The following MSH6 variants were observed in gnomAD, a reference collection of about 807,000 sequenced individuals.
The protein encoded by MSH6 is mutS homolog 6, also known as DNA mismatch repair protein Msh6.
In MSH6, 85 loss-of-function variants were observed where a neutral mutation model predicts 119.1. That is an observed-to-expected ratio of 0.71 (90% CI 0.60 to 0.85). MSH6 has a LOEUF of 0.85. Ranked by LOEUF, MSH6 falls within the 40% of genes least tolerant of loss-of-function variation. The pLI is 0.00. For synonymous variants in MSH6, 830 were observed against 586.9 expected (o/e 1.41, Z -5.99); for missense variants, 2,163 against 1,655.3 (o/e 1.31, Z -5.32).
intron 1 of MSH6, among the ~76,000 whole-genome samples, chr2:47,785,718 A>AC (rs1668310940): frequency 6.6e-6 from 1 of 152,038 alleles, no homozygotes; most frequent in Non-Finnish European, 1.5e-5. Context: ...GCAATAACAA[A>AC]CTCCTGGTTA....
chr2:47,809,264 T>TATC, downstream of MSH6: 2 of 1,541,990 alleles, frequency 1.3e-6, no homozygotes, highest in Non-Finnish European at 1.8e-6. Flanking sequence ...ATTATTTTGT[T>TATC]ATCTGTAATA....
Position 47,799,852 on chromosome 2 carries a change from C to T in MSH6, c.1869C>T (p.Pro623=), listed in dbSNP as rs141242295. Residue 623 remains proline, a synonymous_variant, in exon 4 of 10, where the codon CCC becomes CCT. Coordinates refer to ENST00000234420, the MANE Select transcript of MSH6 (RefSeq NM_000179.3). ...GTTCTCTTCAGGAAGGTCTGATACC[C>T]GGCTCCCAGTTTTGGGATGCATCCA... ...LSCSLQEGLI[P]GSQFWDASKT... is the part of the protein sequence containing the mutation. The T allele has an allele frequency of 1.5e-4, 241 of 1,614,156 alleles. 1 individual carries two copies. The African/African-American group carries it at 2.2e-3, about 15-fold the overall frequency.
At chr2:47,787,369 G>C (rs184557734) in intron 1 of MSH6, among the ~76,000 whole-genome samples, 1 of 152,276 alleles carries the variant, frequency 6.6e-6, no homozygotes, top group African/African-American at 2.4e-5. Context: ...AAAATTATGG[G>C]CTAAAGAGAA....
Position 47,783,398 on chromosome 2 carries a change from T to C in MSH6, c.165T>C (p.Pro55=), listed in dbSNP as rs1553408290. 6.4e-7 allele frequency: 1 copy of C among 1,568,870 alleles called. No individual in the cohort carries two copies. The highest frequency in any genetic ancestry group is 8.6e-7 in the Non-Finnish European group (1 of 1,157,604). ...GGDAAWSEAG[P]GPRPLARSAS... ...ATGCGGCCTGGAGCGAGGCTGGGCC[T>C]GGGCCCAGGCCCTTGGCGCGCTCCG... Residue 55 remains proline, a synonymous_variant, in exon 1 of 10, where the codon CCT becomes CCC. Coordinates refer to ENST00000234420, the MANE Select transcript of MSH6 (RefSeq NM_000179.3).
chr2:47,783,899 G>A, intron 1 of MSH6: 1 of 1,003,262 alleles, frequency 1.0e-6, no homozygotes, highest in Non-Finnish European at 1.2e-6. Context: ...CTTGGTGGGC[G>A]GGGCGGGGGG....
At chr2:47,808,679 C>A, downstream of MSH6, 1 of 386,996 alleles carries the variant, frequency 2.6e-6, no homozygotes, top group Non-Finnish European at 4.6e-6. Context: ...AAAAGCCTCT[C>A]AAATGTTTCT....
intron 4 of MSH6, chr2:47,801,367 T>TTTTTTTG: frequency 4.4e-6 from 2 of 456,610 alleles, no homozygotes; most frequent in South Asian, 5.3e-5. Flanking sequence ...TTCAGTTTTT[T>TTTTTTTG]TTTTTTTTTT....
intron 4 of MSH6, 77 bp from the exon 5 acceptor site, chr2:47,803,343 A>G: frequency 6.3e-7 from 1 of 1,577,758 alleles, no homozygotes; most frequent in Non-Finnish European, 8.7e-7. Context: ...TGTGTTATAT[A>G]AAGAAGACCT....
In MSH6 at chr2:47,806,292, T is replaced by C; in HGVS notation, c.3735T>C (p.Phe1245=). The stretch of plus-strand genomic sequence containing the variant: ...AGACTATAAAATGTCGTACATTATT[T>C]TCAACTCACTACCATTCATTAGTAG... The part of the protein sequence containing the change: ...LAETIKCRTL[F]STHYHSLVED... Residue 1245 remains phenylalanine, a synonymous_variant, in exon 8 of 10, where the codon TTT becomes TTC. Transcript: ENST00000234420. 6.2e-7 allele frequency: 1 copy of C among 1,614,144 alleles called. No individual in the cohort carries two copies. The highest frequency in any genetic ancestry group is 1.1e-5 in the South Asian group (1 of 91,082).
At position 47,795,422 on chromosome 2, in the gene MSH6, A is replaced by G. The variant is rs930318500; in HGVS notation, c.458-472A>G. ...AAGTGTCCAGCCAACAAGTTATTTT[A>G]TGTGTGTGTGTGTGTGTGTGTGTGT... On this transcript the variant is annotated intron_variant, in intron 2 of 9. Transcript: ENST00000234420. Among the ~76,000 whole-genome samples the G allele has an allele frequency of 2.8e-3, 391 of 141,726 alleles. 1 individual carries two copies. The highest frequency in any genetic ancestry group is 7.6e-3 in the African/African-American group (285 of 37,628). 93.0% of individuals were successfully genotyped at this position (141,726 alleles called of 152,430 possible).
downstream of MSH6, chr2:47,807,152 T>C (rs984015897): frequency 3.5e-5 from 12 of 338,320 alleles, no homozygotes; most frequent in African/African-American, 1.9e-4. Flanking sequence ...TAGGGCTGTA[T>C]ATATACTTGT....
rs587779248 is a variant in MSH6, at chr2:47,800,758, A to G, written c.2775A>G (p.Gly925=). The G allele has an allele frequency of 1.4e-5, 23 of 1,614,008 alleles. No individual in the cohort carries two copies. The highest frequency in any genetic ancestry group is 8.9e-5 in the East Asian group (4 of 44,888). The change falls in exon 4 of 10, where the codon GGA becomes GGG. Residue 925 remains glycine (G), a synonymous_variant. Coordinates refer to ENST00000234420, the MANE Select transcript of MSH6 (RefSeq NM_000179.3). ...ACCATGAAAAGGCTCGAAAGACTGGACTTATTACTCCCAAAGCAGGCTTTG... is the reference window on the plus strand; with the variant it reads ...ACCATGAAAAGGCTCGAAAGACTGGGCTTATTACTCCCAAAGCAGGCTTTG... ...AFDHEKARKT[G]LITPKAGFDS...
chr2:47,808,431 A>C (rs754275245), downstream of MSH6: 5 of 1,577,054 alleles, frequency 3.2e-6, no homozygotes, highest in East Asian at 1.1e-4. Context: ...ATGACATCTA[A>C]AAAGCAAAAG....
rs587781568 is a variant in MSH6 at position 47,801,138 on chromosome 2, A to G, written c.3155A>G (p.Glu1052Gly). The change falls in exon 4 of 10, where the codon GAG (glutamate) becomes GGG (glycine). Residue 1052 changes from glutamate to glycine, a missense_variant. Glu to Gly is a moderately conservative substitution (Grantham distance 98). Coordinates refer to ENST00000234420, the MANE Select transcript of MSH6 (RefSeq NM_000179.3). ...TACAAGGACTGGCAGTCTGCTGTAG[A>G]GTGTATCGCAGTGTTGGGTAAGACT... Reference protein sequence around the residue: ...KNYKDWQSAVECIAVLDVLLC... With the variant: ...KNYKDWQSAVGCIAVLDVLLC... 3.1e-6 allele frequency: 5 copies of G among 1,610,824 alleles called. No homozygotes were observed. The Admixed American group carries it at 8.3e-5, about 27-fold the overall frequency.
rs2104384199 is a variant in MSH6 at position 47,800,009 on chromosome 2, A to G, written c.2026A>G (p.Lys676Glu). The change falls in exon 4 of 10, where the codon AAA (lysine) becomes GAA (glutamate). Residue 676 changes from lysine to glutamate, a missense_variant. Coordinates refer to ENST00000234420, the MANE Select transcript of MSH6 (RefSeq NM_000179.3). ...TTCCATTGGGTTGACACCAGGAGAG[A>G]AAAGTGAATTGGCCCTCTCTGCTCT... The part of the protein sequence containing the change: ...SDSIGLTPGE[K>E]SELALSALGG... 6.2e-7 allele frequency: 1 copy of G among 1,614,136 alleles called. No individual in the cohort carries two copies. The highest frequency in any genetic ancestry group is 8.5e-7 in the Non-Finnish European group (1 of 1,180,026).
downstream of MSH6, chr2:47,809,282 G>A (rs1670449692): frequency 3.4e-6 from 5 of 1,459,192 alleles, no homozygotes; most frequent in South Asian, 6.1e-5. Flanking sequence ...ATAAAAGAAA[G>A]AATAAGTAAA....
chr2:47,803,192 A>G (rs1476011919), intron 4 of MSH6, among the ~76,000 whole-genome samples: 2 of 152,224 alleles, frequency 1.3e-5, no homozygotes, highest in African/African-American at 4.8e-5. Context: ...TGCTGGGATT[A>G]CAGGCGTGAG....
At chr2:47,808,069 T>C, downstream of MSH6, 1 of 1,514,644 alleles carries the variant, frequency 6.6e-7, no homozygotes, top group Non-Finnish European at 9.0e-7. Context: ...AAAAAAGTGT[T>C]TTAAGTTATG....
chr2:47,788,227 T>C (rs1668458682), intron 1 of MSH6, among the ~76,000 whole-genome samples: 1 of 150,286 alleles, frequency 6.7e-6, no homozygotes, highest in South Asian at 2.1e-4. Context: ...TGCTATTTCT[T>C]TTCTTTCATT....
Sources: gnomAD v4.1 joint callset for allele counts (sites outside exome capture counted in the v4.1 genomes callset) on GRCh38, gnomAD v4.1.1 for gene constraint, MANE v1.5 for transcripts, NCBI Gene and HGNC (gene_info 2026-07-23, HGNC 2026-07-21) for gene names.